WNT7B: variants seen among roughly 807,000 people sequenced by gnomAD.
WNT7B encodes protein Wnt-7b.
Under a neutral mutation model 38.2 loss-of-function variants are expected in WNT7B, and 19 were observed. The observed-to-expected ratio is 0.50, with a 90% CI of 0.35 to 0.73. The LOEUF is 0.73. WNT7B is among the 30% of genes least tolerant of loss of function. The probability of loss-of-function intolerance (pLI) is 0.01; values close to 1 mark genes in which losing one functional copy is unlikely to be tolerated. For synonymous variants in WNT7B, 243 were observed against 209.3 expected (o/e 1.16, Z -1.39); for missense variants, 423 against 507.9 (o/e 0.83, Z 1.61).
chr22:45,975,367 T>G lies in WNT7B; in HGVS notation c.71+1317A>C, dbSNP rs1262873950. Among the ~76,000 whole-genome samples, 1 of 151,362 alleles carries G rather than the reference T, an allele frequency of 6.6e-6. No homozygotes were observed. Among genetic ancestry groups the G allele is most frequent in the East Asian group, 2.0e-4 (1 of 5,118 alleles). ...GGCTCAATGCCCCGCACCCCTCACCTCCATAAACAAACACCCAGGGACACA... is the reference window on the plus strand; with the variant it reads ...GGCTCAATGCCCCGCACCCCTCACCGCCATAAACAAACACCCAGGGACACA... On this transcript the variant is annotated intron_variant, in intron 1 of 3. Transcript: ENST00000339464. The surrounding 1 kb of genome is among the most constrained non-coding windows in gnomAD (Gnocchi z 6.6).
intron 3 of WNT7B, chr22:45,927,071 A>G: frequency 1.1e-5 from 11 of 985,374 alleles, no homozygotes; most frequent in Non-Finnish European, 1.3e-5. Context: ...TCCGGACAAC[A>G]GCCCCCAGGC....
At chr22:45,971,250 G>A (rs1249256779) in intron 1 of WNT7B, among the ~76,000 whole-genome samples, 2 of 151,570 alleles carry the variant, frequency 1.3e-5, no homozygotes, top group Non-Finnish European at 1.5e-5. Context: ...AGGGGGAGGG[G>A]GAAGGGAAGA....
intron 2 of WNT7B, among the ~76,000 whole-genome samples, chr22:45,933,945 G>A (rs1931445571): frequency 6.6e-6 from 1 of 152,220 alleles, no homozygotes; most frequent in Admixed American, 6.5e-5. Flanking sequence ...GGATGTCAGG[G>A]CACTTGTCTG....
intron 3 of WNT7B, among the ~76,000 whole-genome samples, chr22:45,928,012 G>A (rs529894797): frequency 7.2e-5 from 11 of 152,322 alleles, no homozygotes; most frequent in Middle Eastern, 3.4e-3. Context: ...GGAATGCTGC[G>A]AGAGCCAGGA....
intron 2 of WNT7B, among the ~76,000 whole-genome samples, chr22:45,948,722 C>T (rs1026677472): frequency 1.3e-5 from 2 of 151,478 alleles, no homozygotes; most frequent in African/African-American, 2.4e-5. Flanking sequence ...CCTACTGGCT[C>T]GGAGCTCACA....
Position 45,920,543 on chromosome 22 carries a change from G to C in WNT7B, c.*2313C>G, listed in dbSNP as rs1296061035. Reference sequence around the variant, plus strand: ...CTTTGGGGTGGGCAGGGGCTCAGTGGGGTGCCCGGCAGCCAAGGGACAGTG... The same window carrying C: ...CTTTGGGGTGGGCAGGGGCTCAGTGCGGTGCCCGGCAGCCAAGGGACAGTG... On this transcript the variant is annotated 3_prime_UTR_variant, in exon 4 of 4. Coordinates refer to ENST00000339464, the MANE Select transcript of WNT7B (RefSeq NM_058238.3). The C allele has an allele frequency of 6.6e-6, 1 of 151,584 alleles. No individual in the cohort carries two copies. The highest frequency in any genetic ancestry group is 1.5e-5 in the Non-Finnish European group (1 of 67,918). The allele number at this position is 151,584 out of a possible 1,614,324, so 9.4% of individuals were successfully genotyped here.
In WNT7B at chr22:45,975,803, G is replaced by A. The variant is rs1206862418; in HGVS notation, c.71+881C>T. ...GAGGAGCGCGGGGCCAGCAGCGGGCGGTGGGCGCCCCAGGCGAGGTGCACC... is the reference window on the plus strand; with the variant it reads ...GAGGAGCGCGGGGCCAGCAGCGGGCAGTGGGCGCCCCAGGCGAGGTGCACC... On this transcript the variant is annotated intron_variant, in intron 1 of 3. Transcript: ENST00000339464. The surrounding 1 kb of genome is among the most constrained non-coding windows in gnomAD (Gnocchi z 6.6). 4 of 320,276 alleles carry A rather than the reference G, an allele frequency of 1.2e-5. No individual in the cohort carries two copies. Among genetic ancestry groups the A allele is most frequent in the Non-Finnish European group, 2.3e-5 (4 of 177,778 alleles). The allele number at this position is 320,276 out of a possible 1,614,324, so 19.8% of individuals were successfully genotyped here. A position where few individuals can be genotyped will look rare whatever the true frequency, so the allele number is the denominator to read the frequency against.
rs1455334355 is a variant in WNT7B, at chr22:45,966,514, A to T, written c.71+10170T>A. Among the ~76,000 whole-genome samples the T allele has an allele frequency of 1.3e-5, 2 of 152,120 alleles. No individual in the cohort carries two copies. The highest frequency in any genetic ancestry group is 3.9e-4 in the East Asian group (2 of 5,186). ...GATAGAGGCCTGCAGGGGTCATGGGATAGGACTCCAGGGGATGCTCACTCG... is the reference window on the plus strand; with the variant it reads ...GATAGAGGCCTGCAGGGGTCATGGGTTAGGACTCCAGGGGATGCTCACTCG... On this transcript the variant is annotated intron_variant, in intron 1 of 3. Transcript: ENST00000339464. This position sits in a 1 kb window ranked among gnomAD's most constrained non-coding sequence, Gnocchi z 4.2.
At position 45,926,974 on chromosome 22, in the gene WNT7B, G is replaced by A. The variant is rs528790265; in HGVS notation, c.571-3639C>T. On this transcript the variant is annotated intron_variant, in intron 3 of 3. Coordinates refer to ENST00000339464, the MANE Select transcript of WNT7B (RefSeq NM_058238.3). ...GACGTGGGACATGGCCAGCTAAGGG[G>A]GTTCCCACCCCCTGGCTCCAGGAGC... is the stretch of plus-strand genomic sequence containing the variant. The A allele has an allele frequency of 1.0e-5, 10 of 985,434 alleles. No homozygotes were observed. In the African/African-American group the frequency reaches 1.7e-4, roughly 17 times the overall value. 61.0% of individuals were successfully genotyped at this position (985,434 alleles called of 1,614,324 possible).
chr22:45,963,337 A>T (rs1932238407), intron 1 of WNT7B, among the ~76,000 whole-genome samples: 1 of 151,844 alleles, frequency 6.6e-6, no homozygotes, highest in African/African-American at 2.4e-5. Flanking sequence ...CCTCCTAGCC[A>T]ACTGCTCAGC....
chr22:45,969,160 T>C lies in WNT7B; in HGVS notation c.71+7524A>G, dbSNP rs1276538168. Among the ~76,000 whole-genome samples the C allele has an allele frequency of 2.0e-5, 3 of 152,240 alleles. No individual in the cohort carries two copies. The South Asian group carries it at 6.2e-4, about 32-fold the overall frequency. On this transcript the variant is annotated intron_variant, in intron 1 of 3. Coordinates refer to ENST00000339464, the MANE Select transcript of WNT7B (RefSeq NM_058238.3). ...GGCACCGCTGACAAAGCCACAGCGG[T>C]GGAGCCGGGAAGAGGCCTGGCCTGG...
rs1931085012 is a variant in WNT7B at position 45,926,419 on chromosome 22, C to G, written c.571-3084G>C. 11 of 985,184 alleles carry G rather than the reference C, an allele frequency of 1.1e-5. No homozygotes were observed. In the South Asian group the frequency reaches 4.7e-4, roughly 42 times the overall value. The allele number at this position is 985,184 out of a possible 1,614,324, so 61.0% of individuals were successfully genotyped here. On this transcript the variant is annotated intron_variant, in intron 3 of 3. Coordinates refer to ENST00000339464, the MANE Select transcript of WNT7B (RefSeq NM_058238.3). ...AGGGGGGTGGTGGACTGAGGGGGCT[C>G]CAGGAAAGGGCCAATTCAATGTTCT...
chr22:45,941,497 C>T (rs1010947813), intron 2 of WNT7B, among the ~76,000 whole-genome samples: 3 of 145,926 alleles, frequency 2.1e-5, no homozygotes, highest in Non-Finnish European at 4.5e-5. Context: ...GGTGACACTC[C>T]AGCCTTTGTC....
In WNT7B at chr22:45,959,924, C is replaced by G. The variant is rs1015111298; in HGVS notation, c.72-9778G>C. On this transcript the variant is annotated intron_variant, in intron 1 of 3. Transcript: ENST00000339464. ...CCGGGCCTCAGCATCCCAGACCCCCCAGAGCCACAGGAGCCAGAAGCGGGA... is the reference window on the plus strand; with the variant it reads ...CCGGGCCTCAGCATCCCAGACCCCCGAGAGCCACAGGAGCCAGAAGCGGGA... Among the ~76,000 whole-genome samples, 55 of 152,328 alleles carry G rather than the reference C, an allele frequency of 3.6e-4. No individual in the cohort carries two copies. In the Middle Eastern group the frequency reaches 0.017, roughly 47 times the overall value.
At position 45,922,690 on chromosome 22, in the gene WNT7B, G is replaced by C; in HGVS notation, c.*166C>G. On this transcript the variant is annotated 3_prime_UTR_variant, in exon 4 of 4. Coordinates refer to ENST00000339464, the MANE Select transcript of WNT7B (RefSeq NM_058238.3). ...TGGCAGGAAGGAGCCCCAGGGAGGC[G>C]GGCAGAGGGCGTGGGCCCCGGCCGG... is the stretch of plus-strand genomic sequence containing the variant. 8.8e-7 allele frequency: 1 copy of C among 1,137,616 alleles called. No individual in the cohort carries two copies. The highest frequency in any genetic ancestry group is 2.6e-5 in the East Asian group (1 of 38,572). 70.5% of individuals were successfully genotyped at this position (1,137,616 alleles called of 1,614,324 possible).
At chr22:45,928,954 C>T (rs996189349) in intron 3 of WNT7B, among the ~76,000 whole-genome samples, 2 of 149,614 alleles carry the variant, frequency 1.3e-5, no homozygotes, top group Non-Finnish European at 3.0e-5. Flanking sequence ...GCTGTGTACA[C>T]TTCCCCACAA....
chr22:45,950,180 G>C (rs1205437748), intron 1 of WNT7B, 34 bp from the exon 2 acceptor site: 6 of 1,573,458 alleles, frequency 3.8e-6, no homozygotes, highest in Non-Finnish European at 5.2e-6. Flanking sequence ...CCGTGAGACG[G>C]CGGCGGCCAG....
chr22:45,963,747 TCA>T (rs1601739587), intron 1 of WNT7B, among the ~76,000 whole-genome samples: 1 of 151,960 alleles, frequency 6.6e-6, no homozygotes, highest in Non-Finnish European at 1.5e-5. Context: ...GGCTCTGGGC[TCA>T]CAGTCAGAGC....
Position 45,966,217 on chromosome 22 carries a change from G to C in WNT7B, c.71+10467C>G, listed in dbSNP as rs1419433456. ...GGAATGCCTCATCCTGTGTCCCCCA[G>C]GCGGGGGTCTGCAGGGCAGGCAGTG... is the stretch of plus-strand genomic sequence containing the variant. On this transcript the variant is annotated intron_variant, in intron 1 of 3. Coordinates refer to ENST00000339464, the MANE Select transcript of WNT7B (RefSeq NM_058238.3). The surrounding 1 kb of genome is among the most constrained non-coding windows in gnomAD (Gnocchi z 4.2). Among the ~76,000 whole-genome samples the C allele has an allele frequency of 6.6e-6, 1 of 152,226 alleles. No individual in the cohort carries two copies. The highest frequency in any genetic ancestry group is 1.5e-5 in the Non-Finnish European group (1 of 68,042).
Sources: gnomAD v4.1 joint callset for allele counts (sites outside exome capture counted in the v4.1 genomes callset) on GRCh38, gnomAD v4.1.1 for gene constraint, Gnocchi (gnomAD v3.1) non-coding constraint, MANE v1.5 for transcripts, NCBI Gene and HGNC (gene_info 2026-07-23, HGNC 2026-07-21) for gene names.